Variants in IQCM observed in about 807,000 individuals in gnomAD.
IQCM encodes IQ domain-containing protein M.
In IQCM, 45 loss-of-function variants were observed where a neutral mutation model predicts 57.6. The ratio of observed to expected loss-of-function variants is 0.78; its 90% confidence interval spans 0.62 to 1.00. IQCM has a LOEUF of 1.00. Ranked by LOEUF, IQCM falls within the 50% of genes least tolerant of loss-of-function variation. IQCM has a pLI of 0.00. For missense variants in IQCM, 468 were observed against 511.6 expected (o/e 0.91, Z 0.82); for synonymous variants, 148 against 158.9 (o/e 0.93, Z 0.51).
intron 7 of IQCM, among the ~76,000 whole-genome samples, chr4:149,623,751 G>GTA (rs1756554594): frequency 1.3e-5 from 2 of 151,218 alleles, no homozygotes; most frequent in Admixed American, 6.6e-5. Context: ...GTGTGTGTGT[G>GTA]TACACATGTG....
In IQCM at chr4:149,568,034, T is replaced by C. The variant is rs573366749; in HGVS notation, c.750-4144A>G. 4.6e-5 allele frequency among the ~76,000 whole-genome samples: 7 copies of C among 152,264 alleles called. No individual in the cohort carries two copies. The South Asian group carries it at 1.5e-3, about 32-fold the overall frequency. On this transcript the variant is annotated intron_variant, in intron 9 of 13. Coordinates refer to ENST00000636793, the MANE Select transcript of IQCM (RefSeq NM_001363507.2). ...CTACACCATGAAATTGCTTCCAATA[T>C]CTGTTAGACATCAATAAGGCACATC...
At chr4:149,507,436 A>G (rs1022206163) in intron 12 of IQCM, among the ~76,000 whole-genome samples, 2 of 152,208 alleles carry the variant, frequency 1.3e-5, no homozygotes, top group African/African-American at 4.8e-5. Context: ...TATGGAAAAT[A>G]AAGTCCAGGT....
At chr4:149,781,799 T>C (rs1771630598) in intron 2 of IQCM, among the ~76,000 whole-genome samples, 1 of 152,058 alleles carries the variant, frequency 6.6e-6, no homozygotes, top group Non-Finnish European at 1.5e-5. Flanking sequence ...CTTGATACAT[T>C]GGAAAAGAAG....
intron 13 of IQCM, among the ~76,000 whole-genome samples, chr4:149,388,729 CAT>C (rs913471071): frequency 2.6e-4 from 37 of 142,452 alleles, no homozygotes; most frequent in African/African-American, 3.1e-4. Flanking sequence ...CTTTCTCTGA[CAT>C]ATATATATAT....
intron 12 of IQCM, among the ~76,000 whole-genome samples, chr4:149,471,943 A>T (rs1211489346): frequency 6.6e-6 from 1 of 152,226 alleles, no homozygotes; most frequent in East Asian, 1.9e-4. Flanking sequence ...AAGACTCTCA[A>T]TAAACTAGGT....
At chr4:149,554,474 G>A (rs1030537541) in intron 10 of IQCM, among the ~76,000 whole-genome samples, 2 of 151,700 alleles carry the variant, frequency 1.3e-5, no homozygotes, top group Non-Finnish European at 2.9e-5. Context: ...TCACCATCAT[G>A]ACCGGCTAAT....
At chr4:149,354,731 T>A (rs1728838501) in intron 13 of IQCM, among the ~76,000 whole-genome samples, 1 of 152,126 alleles carries the variant, frequency 6.6e-6, no homozygotes, top group African/African-American at 2.4e-5. Flanking sequence ...GTATTCAATC[T>A]TAGTTTCCCT....
intron 2 of IQCM, among the ~76,000 whole-genome samples, chr4:149,803,889 A>G (rs1773840663): frequency 6.6e-6 from 1 of 151,820 alleles, no homozygotes; most frequent in Admixed American, 6.6e-5. Context: ...TGGTAAGATG[A>G]GAGAGGAAAT....
chr4:149,764,157 C>T (rs1489488488), intron 2 of IQCM, among the ~76,000 whole-genome samples: 1 of 152,082 alleles, frequency 6.6e-6, no homozygotes, highest in Non-Finnish European at 1.5e-5. Flanking sequence ...ATCTTAGAAC[C>T]TGAATCAGAT....
Position 149,547,586 on chromosome 4 carries a change from G to T in IQCM, c.1228+869C>A, listed in dbSNP as rs955488128. On this transcript the variant is annotated intron_variant, in intron 12 of 13. Transcript: ENST00000636793. The stretch of plus-strand genomic sequence containing the variant: ...CTGGGGATCTAATGTACAGCATGGT[G>T]ACTGTCGTTAATACTGTATTGATTA... Among the ~76,000 whole-genome samples the T allele has an allele frequency of 1.5e-4, 23 of 152,120 alleles. 1 individual carries two copies. Among genetic ancestry groups the T allele is most frequent in the Admixed American group, 6.5e-5 (1 of 15,276 alleles).
intron 2 of IQCM, among the ~76,000 whole-genome samples, chr4:149,814,285 A>G (rs1311379164): frequency 3.9e-5 from 6 of 152,030 alleles, no homozygotes; most frequent in Non-Finnish European, 5.9e-5. Context: ...TTCACTCTAA[A>G]TGATAATTCA....
chr4:149,461,366 A>G (rs1738271380), intron 12 of IQCM, among the ~76,000 whole-genome samples: 1 of 152,166 alleles, frequency 6.6e-6, no homozygotes, highest in Non-Finnish European at 1.5e-5. Flanking sequence ...GATATCAATA[A>G]TTATTTCCCC....
At chr4:149,518,984 T>C (rs1400655734) in intron 12 of IQCM, among the ~76,000 whole-genome samples, 1 of 152,134 alleles carries the variant, frequency 6.6e-6, no homozygotes, top group Non-Finnish European at 1.5e-5. Flanking sequence ...CAACAAATAA[T>C]AGATAACAAA....
intron 4 of IQCM, 42 bp from the exon 5 acceptor site, chr4:149,733,550 T>C: frequency 1.0e-6 from 1 of 954,356 alleles, no homozygotes; most frequent in Non-Finnish European, 1.4e-6. Flanking sequence ...AATTTAATTT[T>C]AGTATGCATT....
At chr4:149,395,283 T>A (rs1292716749) in intron 13 of IQCM, among the ~76,000 whole-genome samples, 1 of 152,048 alleles carries the variant, frequency 6.6e-6, no homozygotes, top group African/African-American at 2.4e-5. Flanking sequence ...ATCCAAAGTA[T>A]TAGGGGTGTT....
chr4:149,394,598 G>A (rs192431987), intron 13 of IQCM, among the ~76,000 whole-genome samples: 13 of 151,930 alleles, frequency 8.6e-5, no homozygotes, highest in African/African-American at 1.2e-4. Flanking sequence ...CAGATGTCTC[G>A]ATTTCCCTGG....
At chr4:149,700,530 A>C (rs1763691558) in intron 5 of IQCM, among the ~76,000 whole-genome samples, 1 of 151,936 alleles carries the variant, frequency 6.6e-6, no homozygotes, top group Non-Finnish European at 1.5e-5. Context: ...CTGAGCACCT[A>C]CCTCTAGTGG....
chr4:149,362,516 T>C (rs1052618873), intron 13 of IQCM, among the ~76,000 whole-genome samples: 4 of 152,130 alleles, frequency 2.6e-5, no homozygotes, highest in African/African-American at 9.7e-5. Flanking sequence ...AGTAAATAAG[T>C]CACATGAGAT....
At chr4:149,486,662 C>T (rs1056942677) in intron 12 of IQCM, among the ~76,000 whole-genome samples, 12 of 152,156 alleles carry the variant, frequency 7.9e-5, no homozygotes, top group African/African-American at 2.7e-4. Flanking sequence ...AGGAGAATCA[C>T]TTGAACCCAG....
Sources: gnomAD v4.1 joint callset for allele counts (sites outside exome capture counted in the v4.1 genomes callset) on GRCh38, gnomAD v4.1.1 for gene constraint, MANE v1.5 for transcripts, NCBI Gene and HGNC (gene_info 2026-07-23, HGNC 2026-07-21) for gene names.